HGD: variants seen among roughly 807,000 people sequenced by gnomAD.
HGD encodes homogentisate 1,2-dioxygenase.
Under a neutral mutation model 60.8 loss-of-function variants are expected in HGD, and 61 were observed. That is an observed-to-expected ratio of 1.00 (90% CI 0.82 to 1.24). HGD has a LOEUF of 1.24. HGD is among the 50% of genes most tolerant of loss of function. HGD has a pLI of 0.00. For missense variants in HGD, 542 were observed against 547.1 expected, an observed-to-expected ratio of 0.99 and a Z score of 0.09; for synonymous variants, 212 against 187.7, an observed-to-expected ratio of 1.13 and a Z score of -1.06.
intron 3 of HGD, among the ~76,000 whole-genome samples, chr3:120,671,470 TA>T (rs1166563937): frequency 6.6e-6 from 1 of 152,190 alleles, no homozygotes; most frequent in African/African-American, 2.4e-5. Context: ...GTCTTTTTGA[TA>T]TTAATTTATA....
intron 13 of HGD, among the ~76,000 whole-genome samples, chr3:120,631,530 A>T (rs1048810875): frequency 6.6e-6 from 1 of 152,214 alleles, no homozygotes; most frequent in Non-Finnish European, 1.5e-5. Flanking sequence ...AAAGATTTTT[A>T]AAAAGCACTA....
intron 5 of HGD, among the ~76,000 whole-genome samples, chr3:120,651,801 C>T (rs17239827): frequency 0.11 from 17,133 of 152,174 alleles, 1,039 homozygotes; most frequent in East Asian, 0.19. Flanking sequence ...CCTATAACTA[C>T]CAAACAGAGC....
intron 1 of HGD, 149 bp downstream of exon 1, chr3:120,681,948 C>A: frequency 1.3e-6 from 1 of 770,626 alleles, no homozygotes; most frequent in Non-Finnish European, 2.3e-6. Flanking sequence ...CCAGCTGTGC[C>A]CACAGACACC....
At chr3:120,670,684 C>A in intron 3 of HGD, 152 bp from the exon 4 acceptor site, 1 of 691,718 alleles carries the variant, frequency 1.4e-6, no homozygotes, top group Admixed American at 2.0e-5. Context: ...GATACAGCAT[C>A]ACTTTTCATG....
chr3:120,633,381 A>C (rs1181405503), intron 12 of HGD, 53 bp from the exon 13 acceptor site: 2 of 1,613,600 alleles, frequency 1.2e-6, no homozygotes, highest in African/African-American at 2.7e-5. Flanking sequence ...GACCAGTAAA[A>C]CACAAAGCCC....
chr3:120,670,473 C>T lies in HGD; in HGVS notation c.236G>A (p.Gly79Asp), dbSNP rs1302303194. The T allele has an allele frequency of 6.2e-7, 1 of 1,611,110 alleles. No individual in the cohort carries two copies. Among genetic ancestry groups the T allele is most frequent in the Non-Finnish European group, 8.5e-7 (1 of 1,177,456 alleles). Residue 79 changes from glycine (G) to aspartate (D), a missense_variant, in exon 4 of 14, where the codon GGC (glycine) becomes GAC (aspartate). By Grantham distance (94) the Gly-to-Asp change is moderately conservative. Around this residue, in one of 2 missense-constraint regions of HGD, gnomAD observed 537 missense variants for 529.1 expected, o/e 1.01. Transcript: ENST00000283871. Reference protein sequence around the residue: ...SHKPFESIDEGQVTHNWDEVD... With the variant: ...SHKPFESIDEDQVTHNWDEVD... ...TTCATCCCAGTTGTGAGTGACTTGG[C>T]CTTCGTCAATGGATTCAAAGGGCTT...
Position 120,644,355 on chromosome 3 carries a change from A to T in HGD, c.738T>A (p.Ile246=). The T allele has an allele frequency of 6.2e-7, 1 of 1,614,120 alleles. No homozygotes were observed. Among genetic ancestry groups the T allele is most frequent in the Non-Finnish European group, 8.5e-7 (1 of 1,180,010 alleles). ...CAAACAGCTTGCCCTGGTATTTATT[A>T]ATGACCGTGTAACCACCTGGTACTT... ...DRQVPGGYTV[I]NKYQGKLFAA... The change falls in exon 10 of 14, where the codon ATT becomes ATA. Residue 246 remains isoleucine (I), a synonymous_variant. Transcript: ENST00000283871.
chr3:120,657,265 A>C (rs1243866273), intron 4 of HGD, among the ~76,000 whole-genome samples: 1 of 152,250 alleles, frequency 6.6e-6, no homozygotes, highest in Non-Finnish European at 1.5e-5. Context: ...ATTAAAAATT[A>C]CTTAAGATTA....
chr3:120,629,059 G>T (rs542215693), intron 13 of HGD, among the ~76,000 whole-genome samples: 1 of 152,268 alleles, frequency 6.6e-6, no homozygotes, highest in African/African-American at 2.4e-5. Flanking sequence ...TGGGAAAAGG[G>T]AAAAAGGGAG....
intron 11 of HGD, among the ~76,000 whole-genome samples, chr3:120,641,237 T>G (rs1177648951): frequency 6.6e-6 from 1 of 152,182 alleles, no homozygotes; most frequent in Non-Finnish European, 1.5e-5. Context: ...TCCAAATTCA[T>G]AAAGTTCCTT....
rs1559780553 is a variant in HGD at position 120,630,874 on chromosome 3, A to ACACG, written c.1188+2272_1188+2273insCGTG. Among the ~76,000 whole-genome samples, 168 of 149,236 alleles carry ACACG rather than the reference A, an allele frequency of 1.1e-3. 1 individual carries two copies. Among genetic ancestry groups the ACACG allele is most frequent in the Middle Eastern group, 3.5e-3 (1 of 286 alleles). On this transcript the variant is annotated intron_variant, in intron 13 of 13. Coordinates refer to ENST00000283871, the MANE Select transcript of HGD (RefSeq NM_000187.4). ...CACACACACACACACACACACACAC[A>ACACG]CACAGATAATGGAATACTATGCAGC...
chr3:120,663,823 C>T (rs1707834990), intron 4 of HGD, among the ~76,000 whole-genome samples: 1 of 151,786 alleles, frequency 6.6e-6, no homozygotes, highest in Non-Finnish European at 1.5e-5. Context: ...TCAAAAATAT[C>T]TACACTCAAG....
chr3:120,647,087 C>G, intron 7 of HGD, 35 bp from the exon 8 acceptor site: 1 of 1,535,352 alleles, frequency 6.5e-7, no homozygotes, highest in Non-Finnish European at 9.0e-7. Flanking sequence ...GTGAGCAATT[C>G]TTTTGGTGTG....
intron 1 of HGD, among the ~76,000 whole-genome samples, chr3:120,676,404 A>C (rs1035434222): frequency 2.0e-5 from 3 of 152,108 alleles, no homozygotes; most frequent in Non-Finnish European, 4.4e-5. Context: ...ACACAATGGA[A>C]CCTACTCTGA....
intron 10 of HGD, 34 bp from the exon 11 acceptor site, chr3:120,641,727 C>T (rs1940988718): frequency 1.4e-6 from 2 of 1,379,914 alleles, no homozygotes; most frequent in Admixed American, 3.3e-5. Flanking sequence ...ATAATTTTAC[C>T]ATCTAATGCT....
chr3:120,653,504 G>T (rs7610838), intron 4 of HGD, among the ~76,000 whole-genome samples: 35,283 of 152,086 alleles, frequency 0.23, 4,222 homozygotes, highest in Middle Eastern at 0.34. Context: ...ATAGGGCTCA[G>T]CTCATTCTGT....
Position 120,644,647 on chromosome 3 carries a change from A to G in HGD, c.650-204T>C, listed in dbSNP as rs750365359. 7.2e-6 allele frequency: 11 copies of G among 1,519,834 alleles called. No homozygotes were observed. In the South Asian group the frequency reaches 1.3e-4, roughly 18 times the overall value. The allele number at this position is 1,519,834 out of a possible 1,614,324, so 94.1% of individuals were successfully genotyped here. The stretch of plus-strand genomic sequence containing the variant: ...GGTCAGAAAAAAATTCACAAAAACC[A>G]GCATTACTTTCTAAGGTTGTGGAGT... On this transcript the variant is annotated intron_variant, in intron 9 of 13. Coordinates refer to ENST00000283871, the MANE Select transcript of HGD (RefSeq NM_000187.4).
At chr3:120,659,135 C>T (rs1941584981) in intron 4 of HGD, among the ~76,000 whole-genome samples, 1 of 152,210 alleles carries the variant, frequency 6.6e-6, no homozygotes, top group African/African-American at 2.4e-5. Flanking sequence ...AGTTTGAATT[C>T]TTCTCCTGAA....
At chr3:120,635,129 A>G (rs1288933860) in intron 12 of HGD, among the ~76,000 whole-genome samples, 1 of 152,184 alleles carries the variant, frequency 6.6e-6, no homozygotes, top group African/African-American at 2.4e-5. Flanking sequence ...ACATTTCTAT[A>G]TCATTTTCTA....
Sources: gnomAD v4.1 joint callset for allele counts (sites outside exome capture counted in the v4.1 genomes callset) on GRCh38, gnomAD v4.1.1 for gene constraint, gnomAD v4.1.1 regional missense constraint, MANE v1.5 for transcripts, NCBI Gene and HGNC (gene_info 2026-07-23, HGNC 2026-07-21) for gene names.